ANXA6: variants seen among roughly 807,000 people sequenced by gnomAD.
The protein encoded by ANXA6 is 67 kDa calelectrin.
Under a neutral mutation model 95.4 loss-of-function variants are expected in ANXA6, and 71 were observed. The ratio of observed to expected loss-of-function variants is 0.74; its 90% CI spans 0.61 to 0.91. The LOEUF (loss-of-function observed/expected upper bound fraction) is 0.91, where lower values mean the gene tolerates loss of function less well. Among genes scored for constraint, ANXA6 ranks in the 40% least tolerant of loss-of-function variants. ANXA6 has a pLI of 0.00. For synonymous variants in ANXA6, 289 were observed against 315.9 expected (o/e 0.91, Z 0.90); for missense variants, 830 against 876.4 (o/e 0.95, Z 0.67).
At chr5:151,135,890 T>C (rs1278288132) in intron 7 of ANXA6, among the ~76,000 whole-genome samples, 1 of 152,148 alleles carries the variant, frequency 6.6e-6, no homozygotes, top group Admixed American at 6.5e-5. Flanking sequence ...CCTAATAGTC[T>C]CTTTGTGATA....
intron 20 of ANXA6, among the ~76,000 whole-genome samples, chr5:151,113,329 G>T (rs1372016778): frequency 6.6e-6 from 1 of 152,136 alleles, no homozygotes; most frequent in Non-Finnish European, 1.5e-5. Flanking sequence ...TTGAATCCGG[G>T]AGGTGGAGGT....
intron 2 of ANXA6, among the ~76,000 whole-genome samples, chr5:151,145,253 C>G (rs1275129167): frequency 6.6e-6 from 1 of 152,198 alleles, no homozygotes; most frequent in Non-Finnish European, 1.5e-5. Context: ...AGATGATGTC[C>G]CCAGAGAGAC....
intron 2 of ANXA6, among the ~76,000 whole-genome samples, chr5:151,142,537 C>T (rs565572247): frequency 4.6e-5 from 7 of 151,676 alleles, no homozygotes; most frequent in African/African-American, 9.7e-5. Context: ...TTCTTTGCAA[C>T]GATCCTTAAA....
intron 6 of ANXA6, among the ~76,000 whole-genome samples, chr5:151,136,820 C>T (rs568058950): frequency 1.3e-5 from 2 of 152,364 alleles, no homozygotes. Context: ...TTTGCACTTG[C>T]CGTGACCTCT....
chr5:151,111,038 T>C (rs772894538), intron 20 of ANXA6, among the ~76,000 whole-genome samples: 1 of 152,080 alleles, frequency 6.6e-6, no homozygotes, highest in Non-Finnish European at 1.5e-5. Context: ...GAGATGTAAA[T>C]GTGAGCAGTG....
At chr5:151,125,870 C>T (rs373809707) in intron 14 of ANXA6, among the ~76,000 whole-genome samples, 2 of 152,156 alleles carry the variant, frequency 1.3e-5, no homozygotes, top group Middle Eastern at 3.4e-3. Flanking sequence ...AGGGAGGGGG[C>T]ACCTTCCAAA....
rs762147352 is a variant in ANXA6, at chr5:151,119,349, G to T, written c.1389C>A (p.Ala463=). The change falls in exon 18 of 26, where the codon GCC becomes GCA. Residue 463 remains alanine, a synonymous_variant. Coordinates refer to ENST00000354546, the MANE Select transcript of ANXA6 (RefSeq NM_001155.5). ...CCCGGATTTCAGCATTGGTCCGAGT[G>T]GCCAGGATTTCAATAAGAGCCTTTT... The part of the protein sequence containing the change: ...TDEKALIEIL[A]TRTNAEIRAI... The T allele has an allele frequency of 6.2e-7, 1 of 1,613,702 alleles. No individual in the cohort carries two copies. The highest frequency in any genetic ancestry group is 8.5e-7 in the Non-Finnish European group (1 of 1,179,848).
intron 20 of ANXA6, among the ~76,000 whole-genome samples, chr5:151,114,705 T>C (rs1764947835): frequency 6.7e-6 from 1 of 148,894 alleles, no homozygotes; most frequent in African/African-American, 2.4e-5. Flanking sequence ...AGGTCTATAA[T>C]AATTATTTAT....
rs188935700 is a variant in ANXA6 at position 151,118,947 on chromosome 5, T to C, written c.1438+353A>G. ...CACTCGCTTAAAAATGAAGAATTTC[T>C]GGACAGTGACAGCATAGCTTGCAAC... On this transcript the variant is annotated intron_variant, in intron 18 of 25. Coordinates refer to ENST00000354546, the MANE Select transcript of ANXA6 (RefSeq NM_001155.5). 4.0e-3 allele frequency among the ~76,000 whole-genome samples: 605 copies of C among 152,290 alleles called. 8 individuals are homozygous for C. Among genetic ancestry groups the C allele is most frequent in the African/African-American group, 0.014 (579 of 41,566 alleles).
At chr5:151,104,782 A>G (rs1274171259) in intron 24 of ANXA6, among the ~76,000 whole-genome samples, 1 of 152,120 alleles carries the variant, frequency 6.6e-6, no homozygotes, top group South Asian at 2.1e-4. Context: ...TTTGATGACT[A>G]TTTGTCCTAG....
chr5:151,103,254 T>C (rs1764598150), intron 25 of ANXA6, among the ~76,000 whole-genome samples: 2 of 152,164 alleles, frequency 1.3e-5, no homozygotes, highest in South Asian at 2.1e-4. Flanking sequence ...GCCTTGGCCT[T>C]CCAACGTGCT....
At chr5:151,136,662 A>G (rs17728548) in intron 6 of ANXA6, among the ~76,000 whole-genome samples, 5,991 of 152,194 alleles carry the variant, frequency 0.039, 180 homozygotes, top group East Asian at 0.19. Flanking sequence ...CTTAAAACCC[A>G]TATCTGATCA....
chr5:151,149,057 TA>T (rs1766041199), intron 1 of ANXA6, among the ~76,000 whole-genome samples: 2 of 151,318 alleles, frequency 1.3e-5, no homozygotes, highest in African/African-American at 4.9e-5. Context: ...GGCACATGCC[TA>T]TAGTCCCAGC....
At chr5:151,106,347 CAGACG>C (rs758833299) in intron 23 of ANXA6, among the ~76,000 whole-genome samples, 3 of 152,160 alleles carry the variant, frequency 2.0e-5, no homozygotes, top group Non-Finnish European at 4.4e-5. Context: ...ATAATGAGAA[CAGACG>C]GCAAGAGGCT....
At chr5:151,132,326 CT>C in intron 10 of ANXA6, 149 bp downstream of exon 10, 2 of 667,988 alleles carry the variant, frequency 3.0e-6, no homozygotes, top group Non-Finnish European at 5.0e-6. Flanking sequence ...CCATGCTGCC[CT>C]GGAGAAACCT....
chr5:151,109,275 G>A (rs1354209372), intron 22 of ANXA6, among the ~76,000 whole-genome samples: 1 of 152,152 alleles, frequency 6.6e-6, no homozygotes, highest in Non-Finnish European at 1.5e-5. Flanking sequence ...ATGTCTCAGT[G>A]CAGGACACTT....
At chr5:151,138,433 T>C (rs576470395) in intron 5 of ANXA6, among the ~76,000 whole-genome samples, 1 of 152,322 alleles carries the variant, frequency 6.6e-6, no homozygotes, top group East Asian at 1.9e-4. Context: ...TTTGTCTCCA[T>C]GTCCCTATAA....
chr5:151,114,349 C>T (rs750035876), intron 20 of ANXA6, among the ~76,000 whole-genome samples: 5 of 152,006 alleles, frequency 3.3e-5, no homozygotes, highest in South Asian at 2.1e-4. Context: ...TGGTGGCTCA[C>T]GCCTGTAATC....
intron 20 of ANXA6, 57 bp from the exon 21 acceptor site, chr5:151,110,701 T>C: frequency 6.3e-7 from 1 of 1,597,624 alleles, no homozygotes; most frequent in East Asian, 2.3e-5. Context: ...TCAGAGGAGG[T>C]TGGGGAGGCT....
Sources: gnomAD v4.1 joint callset for allele counts (sites outside exome capture counted in the v4.1 genomes callset) on GRCh38, gnomAD v4.1.1 for gene constraint, MANE v1.5 for transcripts, NCBI Gene and HGNC (gene_info 2026-07-23, HGNC 2026-07-21) for gene names.